Variants in NXPE4 observed in about 807,000 individuals in gnomAD.
NXPE4 encodes neurexophilin and PC-esterase domain family member 4, also known as NXPE family member 4.
In NXPE4, 42 loss-of-function variants were observed where a neutral mutation model predicts 33.3. That is an observed-to-expected ratio of 1.26 (90% CI 0.98 to 1.63). The LOEUF is 1.63. Ranked by LOEUF, NXPE4 falls within the 40% of genes most tolerant of loss-of-function variation. NXPE4 has a pLI of 0.00. For missense variants in NXPE4, 709 were observed against 647.6 expected (o/e 1.09, Z -1.03); for synonymous variants, 253 against 234.9 (o/e 1.08, Z -0.71).
Position 114,580,362 on chromosome 11 carries a change from G to A in NXPE4, c.893-24C>T, listed in dbSNP as rs768678510. Reference sequence around the variant, plus strand: ...TTCTGCCAAAGAATCAATGAGATAGGATCTTCCAAAACATCAAATTACCCG... The same window carrying A: ...TTCTGCCAAAGAATCAATGAGATAGAATCTTCCAAAACATCAAATTACCCG... On this transcript the variant is annotated intron_variant, in intron 4 of 5. Coordinates refer to ENST00000375478, the MANE Select transcript of NXPE4 (RefSeq NM_001077639.2). 1.2e-5 allele frequency: 19 copies of A among 1,602,128 alleles called. No individual in the cohort carries two copies. The South Asian group carries it at 1.4e-4, about 12-fold the overall frequency.
At chr11:114,602,103 A>G in the NXPE4 span, among the ~76,000 whole-genome samples, 1 of 96,978 alleles carries the variant, frequency 1.0e-5, no homozygotes, top group Non-Finnish European at 1.8e-5. Context: ...AACATATATT[A>G]TAATATATAT....
At chr11:114,661,108 G>T in the NXPE4 span, among the ~76,000 whole-genome samples, 3 of 152,056 alleles carry the variant, frequency 2.0e-5, no homozygotes, top group African/African-American at 7.2e-5. Flanking sequence ...AGAAATCAAA[G>T]AAGACATAAA....
At chr11:114,638,432 A>G in the NXPE4 span, among the ~76,000 whole-genome samples, 4 of 151,874 alleles carry the variant, frequency 2.6e-5, no homozygotes, top group Non-Finnish European at 5.9e-5. Flanking sequence ...AGCTCAGAGT[A>G]GTTTGATTGT....
chr11:114,588,387 AG>A lies in NXPE4; in HGVS notation c.97-5367del, dbSNP rs1411733238. ...CTGATGACCCTGATAAGTATATAAA[AG>A]CTTTCCAAAATTTAACTCAGGTGTC... is the stretch of plus-strand genomic sequence containing the variant. On this transcript the variant is annotated intron_variant, in intron 2 of 5. Coordinates refer to ENST00000375478, the MANE Select transcript of NXPE4 (RefSeq NM_001077639.2). 2.0e-5 allele frequency among the ~76,000 whole-genome samples: 3 copies of A among 152,206 alleles called. No individual in the cohort carries two copies. The East Asian group carries it at 5.8e-4, about 29-fold the overall frequency.
rs147233881 is a variant in NXPE4 at position 114,571,626 on chromosome 11, T to G, written c.1100-153A>C. 3.3e-3 allele frequency among the ~76,000 whole-genome samples: 501 copies of G among 152,328 alleles called. 13 individuals are homozygous for G. Among genetic ancestry groups the G allele is most frequent in the Non-Finnish European group, 6.3e-4 (43 of 68,020 alleles). On this transcript the variant is annotated intron_variant, in intron 5 of 5. Coordinates refer to ENST00000375478, the MANE Select transcript of NXPE4 (RefSeq NM_001077639.2). Reference sequence around the variant, plus strand: ...TAGATGAGGGGATGTTTTTGAAAATTATTTGAACAGTCAAAAGTGTTACGT... The same window carrying G: ...TAGATGAGGGGATGTTTTTGAAAATGATTTGAACAGTCAAAAGTGTTACGT...
At chr11:114,618,625 A>T in the NXPE4 span, among the ~76,000 whole-genome samples, 3 of 149,214 alleles carry the variant, frequency 2.0e-5, no homozygotes, top group Non-Finnish European at 4.5e-5. Flanking sequence ...TTGCCTTGTG[A>T]GTAACCACTG....
At chr11:114,627,374 T>A in the NXPE4 span, among the ~76,000 whole-genome samples, 3 of 151,902 alleles carry the variant, frequency 2.0e-5, no homozygotes, top group Non-Finnish European at 4.4e-5. Flanking sequence ...TCAACATTCT[T>A]AAAGAGAAGA....
intron 5 of NXPE4, among the ~76,000 whole-genome samples, chr11:114,576,819 C>G (rs1467405248): frequency 6.6e-6 from 1 of 151,482 alleles, no homozygotes; most frequent in East Asian, 1.9e-4. Flanking sequence ...CCATTTGATC[C>G]AGCAATCCTG....
the NXPE4 span, among the ~76,000 whole-genome samples, chr11:114,616,124 T>A: frequency 2.7e-5 from 4 of 149,442 alleles, no homozygotes; most frequent in African/African-American, 1.0e-4. Context: ...ACCACTGTTA[T>A]CCGGTGGATA....
the NXPE4 span, among the ~76,000 whole-genome samples, chr11:114,634,763 C>G: frequency 6.6e-6 from 1 of 151,964 alleles, no homozygotes; most frequent in African/African-American, 2.4e-5. Flanking sequence ...TCTCAAAGAT[C>G]AGATAGTTGT....
At chr11:114,613,328 C>T in the NXPE4 span, among the ~76,000 whole-genome samples, 2 of 150,964 alleles carry the variant, frequency 1.3e-5, no homozygotes, top group Non-Finnish European at 3.0e-5. Context: ...CCACTGTTAC[C>T]CGATGGATAA....
At chr11:114,674,255 G>T in the NXPE4 span, among the ~76,000 whole-genome samples, 1 of 151,632 alleles carries the variant, frequency 6.6e-6, no homozygotes, top group Non-Finnish European at 1.5e-5. Context: ...AAAATTATTT[G>T]CCAACCAAAT....
the NXPE4 span, among the ~76,000 whole-genome samples, chr11:114,637,740 T>C: frequency 6.6e-6 from 1 of 151,624 alleles, no homozygotes; most frequent in African/African-American, 2.4e-5. Context: ...TTTGGCTGGA[T>C]ATGAAATTCT....
At chr11:114,605,868 A>G in the NXPE4 span, among the ~76,000 whole-genome samples, 1 of 151,778 alleles carries the variant, frequency 6.6e-6, no homozygotes. Flanking sequence ...CCTGGTGGAT[A>G]ATAAGTGTTG....
intron 5 of NXPE4, 82 bp from the exon 6 acceptor site, chr11:114,571,555 A>G (rs1180362984): frequency 1.6e-6 from 2 of 1,220,322 alleles, no homozygotes; most frequent in East Asian, 2.3e-5. Flanking sequence ...AAGAGATTTG[A>G]TTGGTATAAT....
chr11:114,660,606 G>C, the NXPE4 span, among the ~76,000 whole-genome samples: 1 of 151,854 alleles, frequency 6.6e-6, no homozygotes, highest in Non-Finnish European at 1.5e-5. Context: ...ATGGAAAGGA[G>C]TTTTCTTAAC....
chr11:114,649,403 G>A, the NXPE4 span, among the ~76,000 whole-genome samples: 1 of 152,184 alleles, frequency 6.6e-6, no homozygotes, highest in African/African-American at 2.4e-5. Flanking sequence ...ATTCAGCAAT[G>A]AAAAGGAATG....
At chr11:114,575,708 A>G (rs1195140195) in intron 5 of NXPE4, among the ~76,000 whole-genome samples, 2 of 152,220 alleles carry the variant, frequency 1.3e-5, no homozygotes, top group South Asian at 4.1e-4. Context: ...AGATGACATG[A>G]ATAAATGGAA....
At chr11:114,614,563 G>A in the NXPE4 span, among the ~76,000 whole-genome samples, 1 of 150,822 alleles carries the variant, frequency 6.6e-6, no homozygotes. Context: ...ATGTTACCTT[G>A]TGGGTAACTA....
Sources: allele counts gnomAD v4.1 joint callset (sites outside exome capture counted in the v4.1 genomes callset), GRCh38; gene constraint gnomAD v4.1.1; transcripts MANE v1.5; gene names NCBI Gene and HGNC (gene_info 2026-07-23, HGNC 2026-07-21).